The following CSMD3 variants were observed in gnomAD, a reference collection of about 807,000 sequenced individuals.
The protein encoded by CSMD3 is CUB and Sushi multiple domains 3, also known as CUB and sushi domain-containing protein 3.
A neutral mutation model predicts 435.2 loss-of-function variants in CSMD3; 177 were observed. The ratio of observed to expected loss-of-function variants is 0.41; its 90% CI spans 0.36 to 0.46. The LOEUF is 0.46. Among genes scored for constraint, CSMD3 ranks in the 20% least tolerant of loss-of-function variants. CSMD3 has a pLI of 0.34. For synonymous variants in CSMD3, 1,656 were observed against 1,520.5 expected (o/e 1.09, Z -2.07); for missense variants, 4,265 against 4,504.6 (o/e 0.95, Z 1.52).
chr8:112,605,387 C>A (rs1832710093), intron 22 of CSMD3, among the ~76,000 whole-genome samples: 1 of 152,108 alleles, frequency 6.6e-6, no homozygotes, highest in South Asian at 2.1e-4. Flanking sequence ...AGATGCCCAT[C>A]AATAGTGGAC....
chr8:113,308,972 A>C (rs67994352), intron 2 of CSMD3, among the ~76,000 whole-genome samples: 15,898 of 152,040 alleles, frequency 0.1, 963 homozygotes, highest in Middle Eastern at 0.17. Context: ...TTTTAGAGAC[A>C]GGGTCTGGCT....
intron 2 of CSMD3, among the ~76,000 whole-genome samples, chr8:113,285,640 A>G (rs184539756): frequency 1.2e-4 from 19 of 152,320 alleles, no homozygotes; most frequent in African/African-American, 3.6e-4. Context: ...AGATTAGTAA[A>G]CATTTAAATA....
At chr8:112,960,070 T>G (rs2130858865) in intron 7 of CSMD3, among the ~76,000 whole-genome samples, 1 of 151,980 alleles carries the variant, frequency 6.6e-6, no homozygotes, top group South Asian at 2.1e-4. Flanking sequence ...TTCCAGAGAT[T>G]TAAATGTGTA....
chr8:113,421,320 G>A (rs2094607813), intron 1 of CSMD3, among the ~76,000 whole-genome samples: 1 of 152,126 alleles, frequency 6.6e-6, no homozygotes, highest in African/African-American at 2.4e-5. Flanking sequence ...CTGAAGATGA[G>A]CAAAGAAATG....
chr8:112,313,786 C>T, intron 49 of CSMD3, 120 bp downstream of exon 49: 3 of 756,820 alleles, frequency 4.0e-6, no homozygotes, highest in Non-Finnish European at 6.9e-6. Context: ...TGTCCAGGAA[C>T]CATCAATGGA....
chr8:112,880,422 A>T (rs1386045483), intron 10 of CSMD3, among the ~76,000 whole-genome samples: 8 of 152,094 alleles, frequency 5.3e-5, no homozygotes, highest in Admixed American at 3.3e-4. Flanking sequence ...ATCAGGAGTT[A>T]TGGAACCATA....
intron 3 of CSMD3, among the ~76,000 whole-genome samples, chr8:113,277,882 T>A (rs911677041): frequency 3.3e-5 from 5 of 151,146 alleles, no homozygotes; most frequent in African/African-American, 1.2e-4. Flanking sequence ...GCACATTTTT[T>A]AAAAAGCAAA....
At chr8:112,561,715 T>C (rs1828638736) in intron 24 of CSMD3, among the ~76,000 whole-genome samples, 1 of 151,764 alleles carries the variant, frequency 6.6e-6, no homozygotes, top group Non-Finnish European at 1.5e-5. Flanking sequence ...CAGTTTATTA[T>C]TCTTGCACAT....
At chr8:112,929,484 A>C (rs999909793) in intron 9 of CSMD3, among the ~76,000 whole-genome samples, 2 of 152,094 alleles carry the variant, frequency 1.3e-5, no homozygotes, top group African/African-American at 4.8e-5. Flanking sequence ...CTTTTTATGG[A>C]GACTAAGAGA....
intron 32 of CSMD3, among the ~76,000 whole-genome samples, chr8:112,455,376 G>T (rs1356772419): frequency 4.6e-5 from 7 of 151,666 alleles, no homozygotes; most frequent in African/African-American, 1.7e-4. Flanking sequence ...TTGTAAATTG[G>T]ACCTGAGCAG....
At chr8:112,679,292 C>T (rs751775563) in intron 16 of CSMD3, among the ~76,000 whole-genome samples, 160 of 152,182 alleles carry the variant, frequency 1.1e-3, no homozygotes, top group Non-Finnish European at 1.6e-3. Flanking sequence ...GAAACTGGCT[C>T]AGAGGTGGTT....
intron 18 of CSMD3, among the ~76,000 whole-genome samples, chr8:112,653,666 T>A (rs1017014184): frequency 6.6e-6 from 1 of 150,688 alleles, no homozygotes; most frequent in African/African-American, 2.4e-5. Context: ...TTATCTTTTT[T>A]TTTTTTTTTT....
At chr8:112,922,423 T>C (rs148532403) in intron 9 of CSMD3, among the ~76,000 whole-genome samples, 8 of 152,144 alleles carry the variant, frequency 5.3e-5, no homozygotes, top group Admixed American at 1.3e-4. Context: ...TTATTGACTA[T>C]AGCTATCTTG....
rs982715157 is a variant in CSMD3 at position 113,045,818 on chromosome 8, T to G, written c.918-26639A>C. 4.7e-5 allele frequency among the ~76,000 whole-genome samples: 7 copies of G among 149,596 alleles called. No homozygotes were observed. In the South Asian group the frequency reaches 1.1e-3, roughly 23 times the overall value. Reference sequence around the variant, plus strand: ...TTTACTTTCAGTTGTTGTTGTTGTTTTTAATATTAGACGGAAGAGTACAAA... The same window carrying G: ...TTTACTTTCAGTTGTTGTTGTTGTTGTTAATATTAGACGGAAGAGTACAAA... On this transcript the variant is annotated intron_variant, in intron 5 of 70. Transcript: ENST00000297405.
At chr8:112,865,558 C>A (rs1334372516) in intron 10 of CSMD3, among the ~76,000 whole-genome samples, 1 of 152,080 alleles carries the variant, frequency 6.6e-6, no homozygotes, top group Non-Finnish European at 1.5e-5. Context: ...AATGTTCACA[C>A]TTTAAGACCC....
At chr8:113,012,509 A>G (rs1390049965) in intron 6 of CSMD3, among the ~76,000 whole-genome samples, 1 of 152,044 alleles carries the variant, frequency 6.6e-6, no homozygotes, top group Non-Finnish European at 1.5e-5. Flanking sequence ...TGATTGGATT[A>G]TGAAGGCGGT....
At chr8:112,358,631 T>A (rs1185964236) in intron 38 of CSMD3, among the ~76,000 whole-genome samples, 1 of 152,210 alleles carries the variant, frequency 6.6e-6, no homozygotes. Flanking sequence ...AAGTTCCCTC[T>A]CTTTGCCTGC....
At chr8:113,350,900 C>A (rs895321452) in intron 1 of CSMD3, among the ~76,000 whole-genome samples, 5 of 152,168 alleles carry the variant, frequency 3.3e-5, no homozygotes, top group Non-Finnish European at 7.4e-5. Context: ...TATGCCTTTA[C>A]AACTGCTGGT....
intron 7 of CSMD3, among the ~76,000 whole-genome samples, chr8:112,959,927 C>T (rs971813117): frequency 3.3e-5 from 5 of 151,800 alleles, no homozygotes; most frequent in African/African-American, 9.7e-5. Context: ...GACCTATGTT[C>T]TGAGTCTATA....
Sources: gnomAD v4.1 joint callset for allele counts (sites outside exome capture counted in the v4.1 genomes callset) on GRCh38, gnomAD v4.1.1 for gene constraint, MANE v1.5 for transcripts, NCBI Gene and HGNC (gene_info 2026-07-23, HGNC 2026-07-21) for gene names.